The following TPX2 variants were observed in gnomAD, a reference collection of about 807,000 sequenced individuals.
The protein encoded by TPX2 is targeting protein for Xklp2.
TPX2 carries 21 observed loss-of-function variants against 93.6 expected under a neutral mutation model. The observed-to-expected ratio is 0.22, with a 90% CI of 0.16 to 0.32. TPX2 has a LOEUF of 0.32. Ranked by LOEUF, TPX2 falls within the 10% of genes least tolerant of loss-of-function variation. The probability of loss-of-function intolerance (pLI) is 1.00; values close to 1 mark genes in which losing one functional copy is unlikely to be tolerated. For synonymous variants in TPX2, 281 were observed against 298.3 expected (o/e 0.94, Z 0.60); for missense variants, 776 against 871.1 (o/e 0.89, Z 1.37).
At chr20:31,745,022 G>A (rs1333116791) in intron 2 of TPX2, among the ~76,000 whole-genome samples, 1 of 152,122 alleles carries the variant, frequency 6.6e-6, no homozygotes, top group Non-Finnish European at 1.5e-5. Flanking sequence ...GGGAGGTGGA[G>A]GTTGCAGTGA....
rs2061945372 is a variant in TPX2 at position 31,768,807 on chromosome 20, G to A, written c.357-1536G>A. 1.3e-5 allele frequency among the ~76,000 whole-genome samples: 2 copies of A among 152,106 alleles called. 1 individual carries two copies. The highest frequency in any genetic ancestry group is 1.3e-4 in the Admixed American group (2 of 15,262). Reference sequence around the variant, plus strand: ...CGACTTAAACTAGCACTTACGAAAAGGGACAACCAAATGGCCGATACACAT... The same window carrying A: ...CGACTTAAACTAGCACTTACGAAAAAGGACAACCAAATGGCCGATACACAT... On this transcript the variant is annotated intron_variant, in intron 5 of 17. Coordinates refer to ENST00000300403, the MANE Select transcript of TPX2 (RefSeq NM_012112.5).
At chr20:31,742,823 C>T (rs1173543148) in intron 2 of TPX2, among the ~76,000 whole-genome samples, 176 bp downstream of exon 2, 1 of 152,080 alleles carries the variant, frequency 6.6e-6, no homozygotes, top group Non-Finnish European at 1.5e-5. Flanking sequence ...CCATGGTTAG[C>T]CTTTTGATAG....
chr20:31,779,110 T>C, intron 10 of TPX2, 126 bp downstream of exon 10: 2 of 1,059,372 alleles, frequency 1.9e-6, no homozygotes, highest in Non-Finnish European at 2.6e-6. Flanking sequence ...CGTGTGACTA[T>C]GCAGACAACA....
intron 9 of TPX2, among the ~76,000 whole-genome samples, 179 bp downstream of exon 9, chr20:31,777,817 C>T (rs1268395845): frequency 6.6e-6 from 1 of 150,776 alleles, no homozygotes; most frequent in Non-Finnish European, 1.5e-5. Context: ...ACTTTTGTCG[C>T]CCAGGCTGGA....
chr20:31,746,326 T>C (rs17093565), intron 2 of TPX2, among the ~76,000 whole-genome samples: 1,944 of 152,268 alleles, frequency 0.013, 34 homozygotes, highest in African/African-American at 0.045. Flanking sequence ...TAATCCCTTA[T>C]ATACAAGAAA....
chr20:31,784,844 G>C (rs893674017), intron 12 of TPX2, among the ~76,000 whole-genome samples: 1 of 152,132 alleles, frequency 6.6e-6, no homozygotes, highest in Admixed American at 6.5e-5. Flanking sequence ...ATGCGAAAGC[G>C]GCTTTTAGTT....
At chr20:31,762,981 A>C (rs1225795271) in intron 4 of TPX2, among the ~76,000 whole-genome samples, 4 of 152,156 alleles carry the variant, frequency 2.6e-5, no homozygotes, top group Non-Finnish European at 5.9e-5. Context: ...TCAGTTGGCT[A>C]TAAATACGTG....
rs2062145140 is a variant in TPX2 at position 31,797,413 on chromosome 20, G to C, written c.1843G>C (p.Glu615Gln). The C allele has an allele frequency of 6.2e-7, 1 of 1,613,950 alleles. No individual in the cohort carries two copies. Among genetic ancestry groups the C allele is most frequent in the African/African-American group, 1.3e-5 (1 of 74,916 alleles). The change falls in exon 16 of 18, where the codon GAA becomes CAA. Residue 615 changes from glutamate to glutamine, a missense_variant. Physicochemically the swap from Glu to Gln is conservative, Grantham distance 29 (BLOSUM62 2). Coordinates refer to ENST00000300403, the MANE Select transcript of TPX2 (RefSeq NM_012112.5). ...AQTWKHQLEE[E>Q]LRQQKEAACF... is the part of the protein sequence containing the mutation. ...ACTTTCTCTCTAATAGCTGGAAGAAGAACTGAGACAGCAGAAAGAAGCAGC... is the reference window on the plus strand; with the variant it reads ...ACTTTCTCTCTAATAGCTGGAAGAACAACTGAGACAGCAGAAAGAAGCAGC...
At chr20:31,756,291 TATAAACAAAGCACAATTG>T in intron 2 of TPX2, among the ~76,000 whole-genome samples, 1 of 152,148 alleles carries the variant, frequency 6.6e-6, no homozygotes, top group Non-Finnish European at 1.5e-5. Flanking sequence ...ACAGTGGAGA[TATAAACAAAGCACAATTG>T]GCTTTGGAGA....
rs1233745721 is a variant in TPX2, at chr20:31,739,361, AG to A, written c.-437del. On this transcript the variant is annotated 5_prime_UTR_variant, in exon 1 of 18. Transcript: ENST00000300403. The stretch of plus-strand genomic sequence containing the variant: ...AGGCGAGGCTAGGTGAGCCGTGGGA[AG>A]AAAAGAGGGAGCAGCTAGGGCGCGG... 1 of 152,262 alleles carries A rather than the reference AG, an allele frequency of 6.6e-6. No individual in the cohort carries two copies. The highest frequency in any genetic ancestry group is 1.5e-5 in the Non-Finnish European group (1 of 68,068). The allele number at this position is 152,262 out of a possible 1,614,324, so 9.4% of individuals were successfully genotyped here.
rs1477138596 is a variant in TPX2 at position 31,766,454 on chromosome 20, G to GGGGTGT, written c.230-101_230-100insGGTGTG. 6 of 720,574 alleles carry GGGGTGT rather than the reference G, an allele frequency of 8.3e-6. No individual in the cohort carries two copies. The African/African-American group carries it at 1.3e-4, about 15-fold the overall frequency. 44.6% of individuals were successfully genotyped at this position (720,574 alleles called of 1,614,324 possible). ...ACTAAGGTTTCTGTGGCTTAGACAGGGTGTGTGTGTGTGTGTGTGTGTGTG... is the reference window on the plus strand; with the variant it reads ...ACTAAGGTTTCTGTGGCTTAGACAGGGGGTGTGTGTGTGTGTGTGTGTGTGTGTGTG... On this transcript the variant is annotated intron_variant, in intron 4 of 17. Coordinates refer to ENST00000300403, the MANE Select transcript of TPX2 (RefSeq NM_012112.5).
intron 3 of TPX2, among the ~76,000 whole-genome samples, chr20:31,758,549 T>A (rs2061866403): frequency 6.6e-6 from 1 of 152,192 alleles, no homozygotes; most frequent in Non-Finnish European, 1.5e-5. Context: ...CTGAGACTAG[T>A]TGTTGAGGCC....
chr20:31,758,119 A>ATTTT (rs35354345), intron 3 of TPX2, among the ~76,000 whole-genome samples: 6 of 115,272 alleles, frequency 5.2e-5, no homozygotes, highest in Admixed American at 8.8e-5. Context: ...CCCTCAATTC[A>ATTTT]TTTTTTTTTT....
At chr20:31,753,428 C>G (rs901659941) in intron 2 of TPX2, among the ~76,000 whole-genome samples, 1 of 152,158 alleles carries the variant, frequency 6.6e-6, no homozygotes, top group African/African-American at 2.4e-5. Context: ...ATCATGGCAC[C>G]TGGCATGTAA....
rs1214124465 is a variant in TPX2, at chr20:31,778,819, G to A, written c.889G>A (p.Val297Met). ...ACAACTTTTCTCTTTACAGGCCCGA[G>A]TGACTAAGGGATGTACCATTGTTAA... ...LRKHPSSPARVTKGCTIVKPF... is the reference protein window; with the variant it reads ...LRKHPSSPARMTKGCTIVKPF... The change falls in exon 10 of 18, where the codon GTG (valine) becomes ATG (methionine). Residue 297 changes from valine to methionine, a missense_variant. This residue lies in a region of TPX2 where 461 missense variants were observed against 551.2 expected (regional missense o/e 0.84). Transcript: ENST00000300403. 1 of 1,570,540 alleles carries A rather than the reference G, an allele frequency of 6.4e-7. No homozygotes were observed.
intron 17 of TPX2, 40 bp from the exon 18 acceptor site, chr20:31,800,930 C>G: frequency 1.3e-6 from 2 of 1,488,436 alleles, no homozygotes; most frequent in Non-Finnish European, 1.9e-6. Context: ...GCGTAGTTCT[C>G]TGACATCCCT....
At chr20:31,766,864 G>A (rs2061931064) in intron 5 of TPX2, among the ~76,000 whole-genome samples, 182 bp downstream of exon 5, 1 of 140,590 alleles carries the variant, frequency 7.1e-6, no homozygotes, top group African/African-American at 2.7e-5. Context: ...GAAGTGGCAT[G>A]ATCTTGGCTC....
chr20:31,769,960 G>A (rs2061954461), intron 5 of TPX2, among the ~76,000 whole-genome samples: 1 of 151,998 alleles, frequency 6.6e-6, no homozygotes, highest in East Asian at 1.9e-4. Context: ...AGCACGTAGG[G>A]CTAATTTTTA....
intron 15 of TPX2, 58 bp downstream of exon 15, chr20:31,794,606 C>A: frequency 6.3e-7 from 1 of 1,585,192 alleles, no homozygotes; most frequent in Non-Finnish European, 8.6e-7. Flanking sequence ...ATTGTACAGG[C>A]AGACCCACCA....
Sources: allele counts gnomAD v4.1 joint callset (sites outside exome capture counted in the v4.1 genomes callset), GRCh38; gene constraint gnomAD v4.1.1; regional missense constraint gnomAD v4.1.1; transcripts MANE v1.5; gene names NCBI Gene and HGNC (gene_info 2026-07-23, HGNC 2026-07-21).